RABGAP1L: variants seen among roughly 807,000 people sequenced by gnomAD.
RABGAP1L encodes rab GTPase-activating protein 1-like.
RABGAP1L carries 63 observed loss-of-function variants against 137.7 expected under a neutral mutation model. The observed-to-expected ratio is 0.46, with a 90% CI of 0.37 to 0.56. The LOEUF is 0.56. Ranked by LOEUF, RABGAP1L falls within the 20% of genes least tolerant of loss-of-function variation. RABGAP1L has a pLI of 0.00. For missense variants in RABGAP1L, 1,095 were observed against 1,244.0 expected, an observed-to-expected ratio of 0.88 and a Z score of 1.80; for synonymous variants, 431 against 433.7, an observed-to-expected ratio of 0.99 and a Z score of 0.08.
At chr1:174,603,551 A>G (rs2148181294) in intron 13 of RABGAP1L, among the ~76,000 whole-genome samples, 1 of 151,550 alleles carries the variant, frequency 6.6e-6, no homozygotes. Flanking sequence ...GCTCTATTCT[A>G]CTCCACCTAA....
chr1:174,565,733 G>A (rs1261353146), intron 13 of RABGAP1L, among the ~76,000 whole-genome samples: 2 of 152,068 alleles, frequency 1.3e-5, no homozygotes, highest in Non-Finnish European at 2.9e-5. Context: ...AATGCAAAAT[G>A]CAATAAATGT....
intron 17 of RABGAP1L, among the ~76,000 whole-genome samples, chr1:174,709,141 A>G (rs530091078): frequency 1.0e-3 from 158 of 152,354 alleles, no homozygotes; most frequent in African/African-American, 3.6e-3. Flanking sequence ...CTCTCTGGGC[A>G]GGGCATCTCT....
At chr1:174,610,660 C>T (rs1671153101) in intron 13 of RABGAP1L, among the ~76,000 whole-genome samples, 1 of 152,194 alleles carries the variant, frequency 6.6e-6, no homozygotes, top group Non-Finnish European at 1.5e-5. Context: ...AACTAGATTA[C>T]AGTCCCACCA....
At chr1:174,889,149 A>G (rs1476788383) in intron 19 of RABGAP1L, among the ~76,000 whole-genome samples, 2 of 144,662 alleles carry the variant, frequency 1.4e-5, no homozygotes, top group African/African-American at 5.1e-5. Flanking sequence ...TTTGAGATGG[A>G]GTCTCGCTCT....
chr1:174,269,086 G>A (rs1348737642), intron 7 of RABGAP1L, among the ~76,000 whole-genome samples: 7 of 152,078 alleles, frequency 4.6e-5, no homozygotes, highest in Admixed American at 4.6e-4. Flanking sequence ...GGGACTACAT[G>A]CGCCCGCCAC....
At chr1:174,501,556 A>G (rs929218177) in intron 13 of RABGAP1L, among the ~76,000 whole-genome samples, 1 of 152,100 alleles carries the variant, frequency 6.6e-6, no homozygotes, top group Non-Finnish European at 1.5e-5. Context: ...TAGTTGCATC[A>G]CTGATGGGCA....
At chr1:174,205,677 C>G (rs765787966) in intron 1 of RABGAP1L, among the ~76,000 whole-genome samples, 8 of 152,120 alleles carry the variant, frequency 5.3e-5, no homozygotes, top group South Asian at 2.1e-4. Context: ...CTTTATTACT[C>G]TAGCTAGTGG....
At chr1:174,447,227 G>A (rs1026515225) in intron 13 of RABGAP1L, among the ~76,000 whole-genome samples, 3 of 152,136 alleles carry the variant, frequency 2.0e-5, no homozygotes, top group Non-Finnish European at 4.4e-5. Flanking sequence ...CTTTAAAAAT[G>A]CATGCAGAAT....
chr1:174,701,057 T>A, intron 16 of RABGAP1L: 1 of 1,302,974 alleles, frequency 7.7e-7, no homozygotes, highest in Non-Finnish European at 1.0e-6. Flanking sequence ...AGCATGTAGT[T>A]CAAGAAATGG....
At chr1:174,987,735 T>C (rs960404106) in intron 24 of RABGAP1L, among the ~76,000 whole-genome samples, 6 of 152,202 alleles carry the variant, frequency 3.9e-5, no homozygotes, top group African/African-American at 1.4e-4. Flanking sequence ...AACAGTACTA[T>C]TGTCTGGAAA....
At chr1:174,958,790 A>G (rs560052171) in intron 20 of RABGAP1L, among the ~76,000 whole-genome samples, 17 of 152,174 alleles carry the variant, frequency 1.1e-4, no homozygotes, top group Non-Finnish European at 2.2e-4. Flanking sequence ...TTGGACTCCA[A>G]ATTGAGGGTT....
Position 174,990,418 on chromosome 1 carries a change from T to G in RABGAP1L, c.*417T>G, listed in dbSNP as rs1272903970. 6.5e-6 allele frequency: 1 copy of G among 154,026 alleles called. No individual in the cohort carries two copies. The highest frequency in any genetic ancestry group is 1.9e-4 in the East Asian group (1 of 5,260). The allele number at this position is 154,026 out of a possible 1,614,324, so 9.5% of individuals were successfully genotyped here. Reference sequence around the variant, plus strand: ...TCACAGGAAAAAAAAAATTGAAACCTAAACATCTTAAGTTTTCAGGATTTA... The same window carrying G: ...TCACAGGAAAAAAAAAATTGAAACCGAAACATCTTAAGTTTTCAGGATTTA... On this transcript the variant is annotated 3_prime_UTR_variant, in exon 26 of 26. Coordinates refer to ENST00000681986, the MANE Select transcript of RABGAP1L (RefSeq NM_001366446.1).
chr1:174,441,847 T>C (rs1274907482), intron 13 of RABGAP1L, among the ~76,000 whole-genome samples: 1 of 151,810 alleles, frequency 6.6e-6, no homozygotes, highest in Non-Finnish European at 1.5e-5. Flanking sequence ...TTTTTTTTTT[T>C]TTTAAAGTTG....
chr1:174,238,249 C>T (rs1429202222), intron 4 of RABGAP1L, among the ~76,000 whole-genome samples: 1 of 152,192 alleles, frequency 6.6e-6, no homozygotes, highest in East Asian at 1.9e-4. Context: ...ATTTGATCGT[C>T]TGAAGCCTTC....
At chr1:174,295,728 A>G (rs1677073351) in intron 10 of RABGAP1L, among the ~76,000 whole-genome samples, 1 of 147,474 alleles carries the variant, frequency 6.8e-6, no homozygotes. Context: ...TATGTTGTCC[A>G]GTCTAGTCTC....
At chr1:174,970,342 C>T (rs763123380) in intron 21 of RABGAP1L, among the ~76,000 whole-genome samples, 1 of 152,152 alleles carries the variant, frequency 6.6e-6, no homozygotes, top group Non-Finnish European at 1.5e-5. Flanking sequence ...TGTTAACTTT[C>T]CAAATGGTCT....
intron 13 of RABGAP1L, among the ~76,000 whole-genome samples, chr1:174,599,171 A>G (rs757643795): frequency 1.3e-5 from 2 of 152,258 alleles, no homozygotes; most frequent in African/African-American, 2.4e-5. Context: ...AAAACTAATG[A>G]CAACTTAACA....
intron 13 of RABGAP1L, among the ~76,000 whole-genome samples, chr1:174,435,626 G>T (rs1490271633): frequency 1.3e-5 from 2 of 151,846 alleles, no homozygotes; most frequent in East Asian, 3.9e-4. Context: ...TGATCATTTT[G>T]TATATTCTTT....
intron 18 of RABGAP1L, chr1:174,800,309 A>T: frequency 1.3e-6 from 2 of 1,543,542 alleles, no homozygotes. Flanking sequence ...CATCTTTCTC[A>T]TTCTGGATAC....
Sources: allele counts gnomAD v4.1 joint callset (sites outside exome capture counted in the v4.1 genomes callset), GRCh38; gene constraint gnomAD v4.1.1; transcripts MANE v1.5; gene names NCBI Gene and HGNC (gene_info 2026-07-23, HGNC 2026-07-21).